Variants in INPP5D observed in about 807,000 individuals in gnomAD.
INPP5D encodes phosphatidylinositol 3,4,5-trisphosphate 5-phosphatase 1.
Under a neutral mutation model 122.9 loss-of-function variants are expected in INPP5D, and 33 were observed. The observed-to-expected ratio is 0.27, with a 90% CI of 0.20 to 0.36. INPP5D has a LOEUF of 0.36. Among genes scored for constraint, INPP5D ranks in the 10% least tolerant of loss-of-function variants. The pLI is 1.00. For synonymous variants in INPP5D, 584 were observed against 576.2 expected (o/e 1.01, Z -0.19); for missense variants, 1,053 against 1,412.7 (o/e 0.75, Z 4.08).
rs1225006221 is a variant in INPP5D, at chr2:233,105,332, G to A, written c.199-16775G>A. 6.6e-6 allele frequency among the ~76,000 whole-genome samples: 1 copy of A among 152,124 alleles called. No homozygotes were observed. Among genetic ancestry groups the A allele is most frequent in the Non-Finnish European group, 1.5e-5 (1 of 68,018 alleles). ...GTGCTTTGCCAGTGCCGCTCCCTTC[G>A]CCCGCCAGGGTGCTCCCTGTCTCTT... On this transcript the variant is annotated intron_variant, in intron 2 of 26. Transcript: ENST00000445964. The surrounding 1 kb of genome is among the most constrained non-coding windows in gnomAD (Gnocchi z 4.0).
At position 233,060,382 on chromosome 2, in the gene INPP5D, C is replaced by G; in HGVS notation, c.-97C>G. 8 of 1,392,266 alleles carry G rather than the reference C, an allele frequency of 5.7e-6. No homozygotes were observed. The highest frequency in any genetic ancestry group is 1.4e-5 in the African/African-American group (1 of 69,248). The allele number at this position is 1,392,266 out of a possible 1,614,324, so 86.2% of individuals were successfully genotyped here. ...AGCAGCCGAGGCCACCAAGAGGCAACGGGCGGCAGGTTGCAGTGGAGGGGC... is the reference window on the plus strand; with the variant it reads ...AGCAGCCGAGGCCACCAAGAGGCAAGGGGCGGCAGGTTGCAGTGGAGGGGC... On this transcript the variant is annotated 5_prime_UTR_variant, in exon 1 of 27. Coordinates refer to ENST00000445964, the MANE Select transcript of INPP5D (RefSeq NM_001017915.3).
chr2:233,080,849 T>C (rs1223913386), intron 2 of INPP5D, among the ~76,000 whole-genome samples: 1 of 152,140 alleles, frequency 6.6e-6, no homozygotes, highest in East Asian at 1.9e-4. Flanking sequence ...ATGGAAGGAA[T>C]TGCTTCGAGG....
intron 2 of INPP5D, among the ~76,000 whole-genome samples, chr2:233,093,096 G>C (rs969610612): frequency 2.6e-5 from 4 of 152,156 alleles, no homozygotes; most frequent in Non-Finnish European, 4.4e-5. Context: ...GTGAAGTCAG[G>C]GTCTCCTTCA....
rs1233112122 is a variant in INPP5D, at chr2:233,206,604, G to T, written c.3568-102G>T. 2.0e-5 allele frequency: 14 copies of T among 695,086 alleles called. No individual in the cohort carries two copies. The East Asian group carries it at 3.8e-4, about 19-fold the overall frequency. The allele number at this position is 695,086 out of a possible 1,614,324, so 43.1% of individuals were successfully genotyped here. A position where few individuals can be genotyped will look rare whatever the true frequency, so the allele number is the denominator to read the frequency against. On this transcript the variant is annotated intron_variant, in intron 26 of 26. Coordinates refer to ENST00000445964, the MANE Select transcript of INPP5D (RefSeq NM_001017915.3). This position sits in a 1 kb window ranked among gnomAD's most constrained non-coding sequence, Gnocchi z 4.0. Reference sequence around the variant, plus strand: ...TGGCTCTTCTCAGCTACACGTTAAAGGAAGCCTGGCCTAGCCCACAGCATG... The same window carrying T: ...TGGCTCTTCTCAGCTACACGTTAAATGAAGCCTGGCCTAGCCCACAGCATG...
chr2:233,163,649 C>CTA (rs1694249951), intron 11 of INPP5D, 58 bp from the exon 12 acceptor site: 1 of 1,610,404 alleles, frequency 6.2e-7, no homozygotes, highest in Non-Finnish European at 8.5e-7. Context: ...TTGAATTCTC[C>CTA]TAATGCTTTG....
intron 2 of INPP5D, among the ~76,000 whole-genome samples, chr2:233,116,006 A>C (rs185263903): frequency 6.6e-6 from 1 of 152,202 alleles, no homozygotes; most frequent in East Asian, 1.9e-4. Context: ...GCTGGAAGTC[A>C]CCCAGAACTT....
At chr2:233,062,638 C>T (rs963130129) in intron 1 of INPP5D, among the ~76,000 whole-genome samples, 1 of 152,146 alleles carries the variant, frequency 6.6e-6, no homozygotes, top group African/African-American at 2.4e-5. Flanking sequence ...TCCTCTCAGC[C>T]GAAGCCTCGT....
rs2106295707 is a variant in INPP5D, at chr2:233,164,154, C to T, written c.1438-153C>T. 1.4e-6 allele frequency: 2 copies of T among 1,411,804 alleles called. No homozygotes were observed. The highest frequency in any genetic ancestry group is 2.5e-5 in the East Asian group (1 of 39,862). The allele number at this position is 1,411,804 out of a possible 1,614,324, so 87.5% of individuals were successfully genotyped here. On this transcript the variant is annotated intron_variant, in intron 12 of 26. Coordinates refer to ENST00000445964, the MANE Select transcript of INPP5D (RefSeq NM_001017915.3). This position sits in a 1 kb window ranked among gnomAD's most constrained non-coding sequence, Gnocchi z 4.3. Reference sequence around the variant, plus strand: ...TCATCTTTAGGATGTTTTGTCTCGCCTATCAAGCATCGCTGGGAGTCCCCC... The same window carrying T: ...TCATCTTTAGGATGTTTTGTCTCGCTTATCAAGCATCGCTGGGAGTCCCCC...
chr2:233,076,778 AC>A, intron 1 of INPP5D, among the ~76,000 whole-genome samples: 1 of 152,380 alleles, frequency 6.6e-6, no homozygotes, highest in South Asian at 2.1e-4. Context: ...ATGCTGAAGG[AC>A]TTTTCTCATA....
intron 1 of INPP5D, among the ~76,000 whole-genome samples, chr2:233,061,213 C>G (rs1399009918): frequency 6.7e-6 from 1 of 149,168 alleles, no homozygotes; most frequent in South Asian, 2.2e-4. Flanking sequence ...TGGCTGTGAC[C>G]GCTGCCCACC....
chr2:233,155,310 A>C (rs1318883113), intron 9 of INPP5D, among the ~76,000 whole-genome samples: 2 of 152,176 alleles, frequency 1.3e-5, no homozygotes, highest in Non-Finnish European at 2.9e-5. Context: ...TAGGAGAGGC[A>C]AGATTTTTAC....
chr2:233,114,291 C>T (rs1692722070), intron 2 of INPP5D, among the ~76,000 whole-genome samples: 1 of 152,220 alleles, frequency 6.6e-6, no homozygotes, highest in African/African-American at 2.4e-5. Context: ...CTTTCTTTCT[C>T]CCCCACTTCT....
chr2:233,166,276 C>T (rs1325132697), intron 13 of INPP5D, among the ~76,000 whole-genome samples: 5 of 152,220 alleles, frequency 3.3e-5, no homozygotes, highest in Non-Finnish European at 7.3e-5. Context: ...CATAAAACCA[C>T]CCCCTCAGCC....
At chr2:233,159,481 C>T (rs539294937) in intron 10 of INPP5D, among the ~76,000 whole-genome samples, 9 of 150,896 alleles carry the variant, frequency 6.0e-5, no homozygotes, top group East Asian at 5.8e-4. Flanking sequence ...GACGGTTGCC[C>T]GAGACCAAGA....
At chr2:233,119,460 CCTGG>C (rs1692901817) in intron 2 of INPP5D, among the ~76,000 whole-genome samples, 2 of 152,114 alleles carry the variant, frequency 1.3e-5, no homozygotes, top group Admixed American at 1.3e-4. Flanking sequence ...TTTTTAGAGG[CCTGG>C]CTGCTGCTGC....
chr2:233,185,714 T>TAA (rs34533084), intron 20 of INPP5D, 129 bp from the exon 21 acceptor site: 14,126 of 619,548 alleles, frequency 0.023, 1 homozygote, highest in Non-Finnish European at 0.025. Flanking sequence ...GGCCCCGAGA[T>TAA]AAAAAAAAAA....
chr2:233,087,705 C>T (rs1461256720), intron 2 of INPP5D, among the ~76,000 whole-genome samples: 1 of 152,116 alleles, frequency 6.6e-6, no homozygotes, highest in Non-Finnish European at 1.5e-5. Context: ...GTAGTGAGTG[C>T]TTGATAAATA....
intron 4 of INPP5D, among the ~76,000 whole-genome samples, chr2:233,127,024 C>T (rs1319965721): frequency 1.3e-5 from 2 of 152,134 alleles, no homozygotes; most frequent in African/African-American, 2.4e-5. Context: ...GGGGAAGAGT[C>T]GGGGAGGCCC....
At chr2:233,101,763 TTTATA>T (rs1438361650) in intron 2 of INPP5D, among the ~76,000 whole-genome samples, 6 of 146,630 alleles carry the variant, frequency 4.1e-5, no homozygotes, top group African/African-American at 7.5e-5. Flanking sequence ...ATTATATTTA[TTTATA>T]TTATATTTAT....
Sources: gnomAD v4.1 joint callset for allele counts (sites outside exome capture counted in the v4.1 genomes callset) on GRCh38, gnomAD v4.1.1 for gene constraint, Gnocchi (gnomAD v3.1) non-coding constraint, MANE v1.5 for transcripts, NCBI Gene and HGNC (gene_info 2026-07-23, HGNC 2026-07-21) for gene names.